The following PPFIA2 variants were observed in gnomAD, a reference collection of about 807,000 sequenced individuals.
PPFIA2 encodes PPFI scaffold protein A2.
A neutral mutation model predicts 175.5 loss-of-function variants in PPFIA2; 46 were observed. The observed-to-expected ratio is 0.26, with a 90% CI of 0.21 to 0.34. PPFIA2 has a LOEUF of 0.34. Among genes scored for constraint, PPFIA2 ranks in the 10% least tolerant of loss-of-function variants. PPFIA2 has a pLI of 1.00. For synonymous variants in PPFIA2, 568 were observed against 511.4 expected (o/e 1.11, Z -1.49); for missense variants, 1,179 against 1,506.1 (o/e 0.78, Z 3.60).
chr12:81,623,085 T>C (rs1049100055), intron 4 of PPFIA2, among the ~76,000 whole-genome samples: 1 of 152,108 alleles, frequency 6.6e-6, no homozygotes, highest in African/African-American at 2.4e-5. Flanking sequence ...TCCATAACTA[T>C]CTTGGGGAAA....
At chr12:81,630,899 A>ATATATATATATATATATATATATATTT (rs1411924550) in intron 4 of PPFIA2, among the ~76,000 whole-genome samples, 2 of 106,446 alleles carry the variant, frequency 1.9e-5, no homozygotes, top group African/African-American at 5.8e-5. Context: ...ATATATATAT[A>ATATATATATATATATATATATATATTT]TTTTTTTTTT....
chr12:81,325,516 T>C (rs1165864723), intron 22 of PPFIA2, among the ~76,000 whole-genome samples: 1 of 152,136 alleles, frequency 6.6e-6, no homozygotes, highest in African/African-American at 2.4e-5. Context: ...GCATTACTTG[T>C]AAGGATTTTG....
chr12:81,686,894 A>G (rs2074491864), intron 3 of PPFIA2, among the ~76,000 whole-genome samples: 3 of 152,038 alleles, frequency 2.0e-5, no homozygotes, highest in Admixed American at 2.0e-4. Context: ...TTTCCAAAAC[A>G]GTGTCTTTGT....
chr12:81,592,412 G>A (rs2058766687), intron 4 of PPFIA2, among the ~76,000 whole-genome samples: 1 of 152,094 alleles, frequency 6.6e-6, no homozygotes, highest in South Asian at 2.1e-4. Flanking sequence ...TTTGGGATGG[G>A]TCTGGGATGG....
chr12:81,431,297 T>A (rs897260082), intron 7 of PPFIA2: 2 of 152,214 alleles, frequency 1.3e-5, no homozygotes, highest in African/African-American at 4.8e-5. Flanking sequence ...ATGTAATCTA[T>A]TTATTACCCC....
chr12:81,512,875 T>A (rs1249140450), intron 4 of PPFIA2, among the ~76,000 whole-genome samples: 2 of 152,088 alleles, frequency 1.3e-5, no homozygotes, highest in Admixed American at 6.6e-5. Context: ...GACATTATTT[T>A]GTTCCTTTTT....
intron 3 of PPFIA2, among the ~76,000 whole-genome samples, chr12:81,738,808 A>G (rs1442054933): frequency 6.6e-6 from 1 of 151,990 alleles, no homozygotes; most frequent in East Asian, 1.9e-4. Flanking sequence ...TCTGCATACA[A>G]ATAAAATTCA....
chr12:81,444,040 G>A (rs1026127961), intron 6 of PPFIA2, among the ~76,000 whole-genome samples: 5 of 150,918 alleles, frequency 3.3e-5, no homozygotes, highest in African/African-American at 1.2e-4. Context: ...ATTTTTAGTA[G>A]AGGTGGGGTT....
intron 4 of PPFIA2, among the ~76,000 whole-genome samples, chr12:81,551,953 C>T (rs1594841558): frequency 6.6e-6 from 1 of 151,540 alleles, no homozygotes; most frequent in South Asian, 2.1e-4. Context: ...AAATTAAATG[C>T]CTATACTGAG....
intron 4 of PPFIA2, among the ~76,000 whole-genome samples, chr12:81,601,760 T>A (rs1205303341): frequency 6.6e-6 from 1 of 151,858 alleles, no homozygotes. Context: ...TACCCTTAGG[T>A]ACATACAGTT....
At chr12:81,301,317 G>A (rs1186205181) in intron 22 of PPFIA2, among the ~76,000 whole-genome samples, 3 of 152,104 alleles carry the variant, frequency 2.0e-5, no homozygotes, top group Non-Finnish European at 4.4e-5. Flanking sequence ...TCATAGGTTT[G>A]TGACATTAAA....
intron 3 of PPFIA2, among the ~76,000 whole-genome samples, chr12:81,712,838 C>T (rs978123990): frequency 6.6e-6 from 1 of 150,448 alleles, no homozygotes; most frequent in African/African-American, 2.4e-5. Flanking sequence ...ACTGCCACCT[C>T]GTCAGTTCTC....
chr12:81,509,602 CTTTT>C (rs35297606), intron 4 of PPFIA2, among the ~76,000 whole-genome samples: 1 of 142,268 alleles, frequency 7.0e-6, no homozygotes, highest in Admixed American at 7.1e-5. Flanking sequence ...TCCACCTAAC[CTTTT>C]TTTTTTTTTT....
chr12:81,292,607 T>C (rs2045335435), intron 24 of PPFIA2: 1 of 152,174 alleles, frequency 6.6e-6, no homozygotes, highest in Non-Finnish European at 1.5e-5. Flanking sequence ...ATGGAGCATA[T>C]ATGTGTACAT....
chr12:81,465,521 C>T (rs775013130), intron 4 of PPFIA2, among the ~76,000 whole-genome samples: 3 of 152,102 alleles, frequency 2.0e-5, no homozygotes, highest in Non-Finnish European at 2.9e-5. Flanking sequence ...TAATGACTTC[C>T]TTAGTCTAGG....
At chr12:81,746,963 A>C (rs906483331) in intron 3 of PPFIA2, among the ~76,000 whole-genome samples, 1 of 144,016 alleles carries the variant, frequency 6.9e-6, no homozygotes, top group Non-Finnish European at 1.6e-5. Flanking sequence ...AAAGAATTCA[A>C]GGGACATGGA....
chr12:81,660,426 C>G (rs1300099111), intron 4 of PPFIA2, among the ~76,000 whole-genome samples: 1 of 151,998 alleles, frequency 6.6e-6, no homozygotes, highest in African/African-American at 2.4e-5. Context: ...CTGATTCGAT[C>G]AACTGGAAGA....
intron 22 of PPFIA2, chr12:81,312,249 A>G (rs1319743236): frequency 1.2e-5 from 15 of 1,298,778 alleles, no homozygotes; most frequent in African/African-American, 1.5e-5. Flanking sequence ...AAAGAAAACC[A>G]TGGAATAAAA....
At chr12:81,423,416 T>A (rs1160533537) in intron 7 of PPFIA2, among the ~76,000 whole-genome samples, 2 of 151,992 alleles carry the variant, frequency 1.3e-5, no homozygotes, top group Non-Finnish European at 2.9e-5. Context: ...CCAAGAGAGA[T>A]TTATCTCTGG....
Sources: gnomAD v4.1 joint callset for allele counts (sites outside exome capture counted in the v4.1 genomes callset) on GRCh38, gnomAD v4.1.1 for gene constraint, MANE v1.5 for transcripts, NCBI Gene and HGNC (gene_info 2026-07-23, HGNC 2026-07-21) for gene names.